Variants in PPFIA2 observed in about 807,000 individuals in gnomAD.
The protein encoded by PPFIA2 is PPFI scaffold protein A2, also known as liprin-alpha-2.
Under a neutral mutation model 175.5 loss-of-function variants are expected in PPFIA2, and 46 were observed. That is an observed-to-expected ratio of 0.26 (90% CI 0.21 to 0.34). The LOEUF is 0.34. PPFIA2 is among the 10% of genes least tolerant of loss of function. The probability of loss-of-function intolerance (pLI) is 1.00; values close to 1 mark genes in which losing one functional copy is unlikely to be tolerated. For synonymous variants in PPFIA2, 568 were observed against 511.4 expected (o/e 1.11, Z -1.49); for missense variants, 1,179 against 1,506.1 (o/e 0.78, Z 3.60).
intron 3 of PPFIA2, among the ~76,000 whole-genome samples, chr12:81,723,009 G>C (rs191124053): frequency 6.6e-6 from 1 of 150,996 alleles, no homozygotes; most frequent in African/African-American, 2.4e-5. Flanking sequence ...TAACACCAAA[G>C]AACAGGACAT....
intron 3 of PPFIA2, among the ~76,000 whole-genome samples, chr12:81,722,710 T>C (rs2079517062): frequency 6.6e-6 from 1 of 150,934 alleles, no homozygotes; most frequent in Admixed American, 6.6e-5. Context: ...CAGGTTCCAG[T>C]TCCTACGAAG....
intron 4 of PPFIA2, among the ~76,000 whole-genome samples, chr12:81,539,371 A>G (rs1400644600): frequency 1.3e-5 from 2 of 151,992 alleles, no homozygotes; most frequent in African/African-American, 2.4e-5. Flanking sequence ...ATCACCAAAT[A>G]ACCAAGGTCT....
intron 11 of PPFIA2, among the ~76,000 whole-genome samples, chr12:81,370,916 C>T (rs2034918197): frequency 6.6e-6 from 1 of 151,878 alleles, no homozygotes; most frequent in South Asian, 2.1e-4. Flanking sequence ...CAGTGAAACT[C>T]ACTTTATGCC....
At chr12:81,303,542 A>G (rs1340799768) in intron 22 of PPFIA2, among the ~76,000 whole-genome samples, 2 of 152,130 alleles carry the variant, frequency 1.3e-5, no homozygotes, top group African/African-American at 4.8e-5. Context: ...TTCAAGAAAC[A>G]CTCTTCAATA....
intron 4 of PPFIA2, among the ~76,000 whole-genome samples, chr12:81,536,064 T>TC (rs1157624260): frequency 6.6e-6 from 1 of 151,770 alleles, no homozygotes; most frequent in African/African-American, 2.4e-5. Flanking sequence ...CAAATCTAAG[T>TC]CTTCAGTGAA....
chr12:81,330,902 A>C (rs1034641064), intron 21 of PPFIA2, among the ~76,000 whole-genome samples: 2 of 152,238 alleles, frequency 1.3e-5, no homozygotes, highest in Non-Finnish European at 2.9e-5. Context: ...CTGGCTCATA[A>C]AGGGTATGTA....
At chr12:81,451,687 A>C (rs1228121524) in intron 5 of PPFIA2, among the ~76,000 whole-genome samples, 1 of 152,188 alleles carries the variant, frequency 6.6e-6, no homozygotes, top group Non-Finnish European at 1.5e-5. Flanking sequence ...GAACGATTTC[A>C]CTTATCCCCA....
intron 7 of PPFIA2, among the ~76,000 whole-genome samples, chr12:81,410,159 G>A (rs915623454): frequency 8.5e-5 from 13 of 152,058 alleles, no homozygotes; most frequent in African/African-American, 3.1e-4. Flanking sequence ...CTTGATGTTG[G>A]ACTTTCCTGT....
chr12:81,608,832 T>G (rs529413829), intron 4 of PPFIA2, among the ~76,000 whole-genome samples: 11 of 152,066 alleles, frequency 7.2e-5, no homozygotes, highest in African/African-American at 2.4e-4. Context: ...CTGCTAGTTT[T>G]GGGGTTGGTT....
At chr12:81,707,850 T>C (rs1367888585) in intron 3 of PPFIA2, among the ~76,000 whole-genome samples, 5 of 150,696 alleles carry the variant, frequency 3.3e-5, no homozygotes. Context: ...CCATAAAAAA[T>C]GATGAGTTCA....
At chr12:81,578,052 A>G (rs1416046262) in intron 4 of PPFIA2, among the ~76,000 whole-genome samples, 1 of 151,722 alleles carries the variant, frequency 6.6e-6, no homozygotes, top group Non-Finnish European at 1.5e-5. Context: ...TTTCATTCAC[A>G]GGACCAGCAA....
rs539477148 is a variant in PPFIA2 at position 81,405,954 on chromosome 12, T to G, written c.646-51A>C. 18 of 1,055,364 alleles carry G rather than the reference T, an allele frequency of 1.7e-5. No homozygotes were observed. In the South Asian group the frequency reaches 2.5e-4, roughly 14 times the overall value. 65.4% of individuals were successfully genotyped at this position (1,055,364 alleles called of 1,614,324 possible). ...TAAAGTCTAAATAGGGAATAAAATA[T>G]AAAAAGAAAATGAATTTACTTCAAT... On this transcript the variant is annotated intron_variant, in intron 7 of 32. Coordinates refer to ENST00000549396, the MANE Select transcript of PPFIA2 (RefSeq NM_003625.5).
At chr12:81,383,700 C>A (rs1009523104) in intron 9 of PPFIA2, among the ~76,000 whole-genome samples, 4 of 152,032 alleles carry the variant, frequency 2.6e-5, no homozygotes, top group Non-Finnish European at 4.4e-5. Flanking sequence ...AAGAGTATAG[C>A]AATTCATGAT....
chr12:81,444,143 C>T (rs1314330455), intron 6 of PPFIA2, among the ~76,000 whole-genome samples: 8 of 151,994 alleles, frequency 5.3e-5, no homozygotes, highest in African/African-American at 1.7e-4. Flanking sequence ...CGTGAGCCAC[C>T]GCGCCCGGCC....
chr12:81,641,373 A>G (rs887493523), intron 4 of PPFIA2, among the ~76,000 whole-genome samples: 8 of 152,190 alleles, frequency 5.3e-5, no homozygotes, highest in Non-Finnish European at 2.9e-5. Context: ...TTCAGATTAC[A>G]GCAAATTACA....
intron 4 of PPFIA2, among the ~76,000 whole-genome samples, chr12:81,539,868 A>T (rs137942419): frequency 6.6e-6 from 1 of 152,114 alleles, no homozygotes; most frequent in East Asian, 1.9e-4. Flanking sequence ...CATTGCTGTT[A>T]GGTGTGATTG....
At chr12:81,617,894 G>C (rs879681183) in intron 4 of PPFIA2, among the ~76,000 whole-genome samples, 1 of 152,202 alleles carries the variant, frequency 6.6e-6, no homozygotes, top group Non-Finnish European at 1.5e-5. Context: ...CATGTAAAAA[G>C]TAAATGAAAC....
intron 3 of PPFIA2, among the ~76,000 whole-genome samples, chr12:81,681,622 T>C (rs1269132916): frequency 6.6e-6 from 1 of 151,872 alleles, no homozygotes; most frequent in Non-Finnish European, 1.5e-5. Context: ...GACAAACACT[T>C]TGAATGATGG....
chr12:81,539,429 T>C (rs2400955), intron 4 of PPFIA2, among the ~76,000 whole-genome samples: 112,365 of 151,806 alleles, frequency 0.74, 42,315 homozygotes, highest in East Asian at 0.92. Context: ...GAAAAGAAGC[T>C]AGCAATGAAA....
Sources: gnomAD v4.1 joint callset for allele counts (sites outside exome capture counted in the v4.1 genomes callset) on GRCh38, gnomAD v4.1.1 for gene constraint, MANE v1.5 for transcripts, NCBI Gene and HGNC (gene_info 2026-07-23, HGNC 2026-07-21) for gene names.